The following SOX6 variants were observed in gnomAD, a reference collection of about 807,000 sequenced individuals.
The protein encoded by SOX6 is SRY-box transcription factor 6.
Under a neutral mutation model 97.8 loss-of-function variants are expected in SOX6, and 11 were observed. The ratio of observed to expected loss-of-function variants is 0.11; its 90% CI spans 0.07 to 0.19. SOX6 has a LOEUF of 0.19. SOX6 is among the 10% of genes least tolerant of loss of function. SOX6 has a pLI of 1.00. For missense variants in SOX6, 810 were observed against 1,039.5 expected (o/e 0.78, Z 3.04); for synonymous variants, 360 against 371.4 (o/e 0.97, Z 0.35).
intron 4 of SOX6, among the ~76,000 whole-genome samples, chr11:16,204,914 C>T (rs913834238): frequency 2.0e-5 from 3 of 151,974 alleles, no homozygotes; most frequent in African/African-American, 7.2e-5. Context: ...AGTCCTAATT[C>T]TCAGTTCAGA....
intron 3 of SOX6, among the ~76,000 whole-genome samples, chr11:16,298,004 A>G (rs1404556386): frequency 1.3e-5 from 2 of 152,128 alleles, no homozygotes; most frequent in East Asian, 3.9e-4. Context: ...AAATGAATTC[A>G]GTAGAGGCAG....
intron 3 of SOX6, among the ~76,000 whole-genome samples, chr11:16,662,196 G>A (rs933392706): frequency 6.6e-6 from 1 of 152,176 alleles, no homozygotes; most frequent in Non-Finnish European, 1.5e-5. Flanking sequence ...TTGCAAAGCA[G>A]ATAGACTAGC....
chr11:16,640,014 T>C (rs1021625444), intron 3 of SOX6, among the ~76,000 whole-genome samples: 2 of 152,178 alleles, frequency 1.3e-5, no homozygotes, highest in Non-Finnish European at 2.9e-5. Flanking sequence ...GCTTCCAGTT[T>C]TTGCCCATTC....
rs368947720 is a variant in SOX6 at position 16,510,706 on chromosome 11, G to A, written n.610-34318C>T. On this transcript the variant is annotated intron_variant and non_coding_transcript_variant, in intron 4 of 5. Transcript: ENST00000524520. ...CTGGCTCTTGCTTCCAATAAGATACGCTGAAAGGTAGGTTATGCTGAGCTT... is the reference window on the plus strand; with the variant it reads ...CTGGCTCTTGCTTCCAATAAGATACACTGAAAGGTAGGTTATGCTGAGCTT... Among the ~76,000 whole-genome samples, 20 of 151,998 alleles carry A rather than the reference G, an allele frequency of 1.3e-4. No individual in the cohort carries two copies. In the East Asian group the frequency reaches 3.1e-3, roughly 23 times the overall value.
rs577571068 is a variant in SOX6 at position 16,546,760 on chromosome 11, T to C, written n.609+65321A>G. On this transcript the variant is annotated intron_variant and non_coding_transcript_variant, in intron 4 of 5. Transcript: ENST00000524520. Reference sequence around the variant, plus strand: ...GGCAACAAAAACAAAAGTAGACAAATGGGACTATATTAAACCAAAAAGCTT... The same window carrying C: ...GGCAACAAAAACAAAAGTAGACAAACGGGACTATATTAAACCAAAAAGCTT... 3.9e-4 allele frequency among the ~76,000 whole-genome samples: 60 copies of C among 152,050 alleles called. 1 individual carries two copies. The highest frequency in any genetic ancestry group is 7.8e-4 in the Non-Finnish European group (53 of 67,980).
intron 3 of SOX6, among the ~76,000 whole-genome samples, chr11:16,301,150 A>G (rs947873075): frequency 6.6e-6 from 1 of 152,346 alleles, no homozygotes; most frequent in East Asian, 1.9e-4. Context: ...ACAAACTTAT[A>G]TGAAATAAGA....
At chr11:16,323,730 A>G (rs1330679806) in intron 2 of SOX6, among the ~76,000 whole-genome samples, 1 of 152,140 alleles carries the variant, frequency 6.6e-6, no homozygotes, top group African/African-American at 2.4e-5. Context: ...GGAATAAAAT[A>G]TTCATTACTA....
intron 6 of SOX6, among the ~76,000 whole-genome samples, chr11:16,145,648 C>G (rs1167223188): frequency 3.9e-5 from 6 of 152,196 alleles, no homozygotes; most frequent in Non-Finnish European, 1.5e-5. Context: ...GCAACTTCAG[C>G]AAAGTCTCAG....
At chr11:16,622,547 G>T (rs1038752159) in intron 3 of SOX6, among the ~76,000 whole-genome samples, 1 of 152,110 alleles carries the variant, frequency 6.6e-6, no homozygotes, top group Non-Finnish European at 1.5e-5. Flanking sequence ...GAGTTACTCT[G>T]CTTACAATAA....
At chr11:16,638,579 T>C (rs553569922) in intron 3 of SOX6, among the ~76,000 whole-genome samples, 21 of 152,264 alleles carry the variant, frequency 1.4e-4, no homozygotes, top group Admixed American at 1.2e-3. Flanking sequence ...CTCCAGCACC[T>C]GTTGTTTCCT....
In SOX6 at chr11:16,096,004, G is replaced by T. The variant is rs78967927; in HGVS notation, c.1093C>A (p.Gln365Lys). The T allele has an allele frequency of 6.2e-7, 1 of 1,608,830 alleles. No individual in the cohort carries two copies. The highest frequency in any genetic ancestry group is 8.5e-7 in the Non-Finnish European group (1 of 1,177,090). Reference protein sequence around the residue: ...HGGGHSYNHKQIEQLYAAQLA... With the variant: ...HGGGHSYNHKKIEQLYAAQLA... ...AATGGAAGCATTCATACCTCAATCT[G>T]TTTGTGGTTGTAAGAGTGGCCACCA... is the stretch of plus-strand genomic sequence containing the variant. The change falls in exon 9 of 16, where the codon CAG (glutamine) becomes AAG (lysine). Residue 365 changes from glutamine (Q) to lysine (K), a missense_variant. By Grantham distance (53) the Gln-to-Lys change is moderately conservative. This residue lies in a region of SOX6 where 244 missense variants were observed against 261.0 expected (regional missense o/e 0.93). Transcript: ENST00000683767.
At chr11:16,539,172 A>C (rs1414063252) in intron 4 of SOX6, among the ~76,000 whole-genome samples, 1 of 152,224 alleles carries the variant, frequency 6.6e-6, no homozygotes, top group Admixed American at 6.5e-5. Flanking sequence ...TAAGAAACTG[A>C]CTCAAAACTG....
chr11:16,245,812 C>T (rs1269780387), intron 3 of SOX6, among the ~76,000 whole-genome samples: 1 of 151,318 alleles, frequency 6.6e-6, no homozygotes, highest in East Asian at 1.9e-4. Flanking sequence ...AACATATTTA[C>T]ATCTTTATAT....
At chr11:16,504,397 A>T (rs928550389) in intron 4 of SOX6, among the ~76,000 whole-genome samples, 1 of 152,206 alleles carries the variant, frequency 6.6e-6, no homozygotes, top group Admixed American at 6.5e-5. Context: ...GTGAAGTTTC[A>T]GGATACAAAA....
chr11:16,540,480 G>A (rs1246367003), intron 4 of SOX6, among the ~76,000 whole-genome samples: 1 of 152,058 alleles, frequency 6.6e-6, no homozygotes, highest in Non-Finnish European at 1.5e-5. Context: ...GGGCAATCAG[G>A]CAGGAGAAGG....
intron 6 of SOX6, among the ~76,000 whole-genome samples, chr11:16,129,449 A>G (rs1013957111): frequency 2.6e-5 from 4 of 152,102 alleles, no homozygotes; most frequent in Admixed American, 6.6e-5. Context: ...CTCCACTCAT[A>G]TTCCTCAAAA....
Position 16,046,695 on chromosome 11 carries a change from A to AGGG in SOX6, c.1441_1442insCCC (p.Ile480_Leu481insPro). The AGGG allele has an allele frequency of 6.2e-7, 1 of 1,613,288 alleles. No homozygotes were observed. Among genetic ancestry groups the AGGG allele is most frequent in the Non-Finnish European group, 8.5e-7 (1 of 1,179,662 alleles). The stretch of plus-strand genomic sequence containing the variant: ...AAGGGCAGGGGAGTTGAGACTAGAT[A>AGGG]GGATATCTGCATACACAGGATGCAT... On this transcript the variant is annotated inframe_insertion, in exon 12 of 16. Transcript: ENST00000683767.
chr11:16,280,399 C>T (rs1004696430), intron 3 of SOX6, among the ~76,000 whole-genome samples: 3 of 150,560 alleles, frequency 2.0e-5, no homozygotes, highest in African/African-American at 7.3e-5. Flanking sequence ...TTATAGAAAC[C>T]GTATGCATGA....
At chr11:16,653,281 G>C (rs1158853225) in intron 3 of SOX6, among the ~76,000 whole-genome samples, 1 of 152,062 alleles carries the variant, frequency 6.6e-6, no homozygotes, top group Non-Finnish European at 1.5e-5. Context: ...CTACCCAGAG[G>C]AAAAGAAGTC....
Sources: gnomAD v4.1 joint callset for allele counts (sites outside exome capture counted in the v4.1 genomes callset) on GRCh38, gnomAD v4.1.1 for gene constraint, gnomAD v4.1.1 regional missense constraint, MANE v1.5 for transcripts, NCBI Gene and HGNC (gene_info 2026-07-23, HGNC 2026-07-21) for gene names.